Variants in LYPLAL1 observed in about 807,000 individuals in gnomAD.
The protein encoded by LYPLAL1 is lysophospholipase like 1, also known as lysophospholipase-like protein 1.
A neutral mutation model predicts 19.7 loss-of-function variants in LYPLAL1; 23 were observed. That is an observed-to-expected ratio of 1.17 (90% confidence interval 0.84 to 1.65). The LOEUF (loss-of-function observed/expected upper bound fraction) is 1.65, where lower values mean the gene tolerates loss of function less well. LYPLAL1 is among the 40% of genes most tolerant of loss of function. The pLI is 0.00. For missense variants in LYPLAL1, 355 were observed against 279.4 expected (o/e 1.27, Z -1.93); for synonymous variants, 119 against 96.3 (o/e 1.24, Z -1.38).
the LYPLAL1 span, among the ~76,000 whole-genome samples, chr1:219,432,040 A>G: frequency 5.1e-4 from 78 of 152,364 alleles, no homozygotes; most frequent in Non-Finnish European, 8.4e-4. Context: ...TTGTTAATAA[A>G]AGAGACAAAT....
chr1:219,395,375 G>A, the LYPLAL1 span, among the ~76,000 whole-genome samples: 3 of 152,184 alleles, frequency 2.0e-5, no homozygotes, highest in Non-Finnish European at 4.4e-5. Context: ...CTAATGATCA[G>A]TGATATTGTG....
chr1:219,435,222 A>G, the LYPLAL1 span: 3 of 152,238 alleles, frequency 2.0e-5, no homozygotes, highest in Non-Finnish European at 4.4e-5. Flanking sequence ...TGTCTTAGAC[A>G]GTAAAGAGAT....
the LYPLAL1 span, among the ~76,000 whole-genome samples, chr1:219,400,549 G>A: frequency 6.6e-6 from 1 of 150,452 alleles, no homozygotes; most frequent in East Asian, 2.0e-4. Context: ...AGGCTGGAAT[G>A]CAGTGGAACG....
chr1:219,187,215 A>G (rs550975884), intron 2 of LYPLAL1, among the ~76,000 whole-genome samples: 4 of 151,756 alleles, frequency 2.6e-5, no homozygotes, highest in African/African-American at 7.2e-5. Context: ...TATTGTATAT[A>G]CTCAGTTGTG....
At chr1:219,413,550 A>G in the LYPLAL1 span, among the ~76,000 whole-genome samples, 1 of 152,206 alleles carries the variant, frequency 6.6e-6, no homozygotes. Flanking sequence ...CTGAGGCCTG[A>G]GAGAAAAGTT....
chr1:219,279,868 A>G, the LYPLAL1 span, among the ~76,000 whole-genome samples: 1 of 152,230 alleles, frequency 6.6e-6, no homozygotes, highest in Non-Finnish European at 1.5e-5. Context: ...AATTTTCAAT[A>G]AAGGAAAAGA....
intron 2 of LYPLAL1, among the ~76,000 whole-genome samples, chr1:219,192,018 G>T (rs73096781): frequency 5.9e-5 from 9 of 151,448 alleles, no homozygotes; most frequent in African/African-American, 2.2e-4. Flanking sequence ...AGCCCCTTAA[G>T]TGGATGTCCA....
At chr1:219,215,598 TTCACTTGTC>T (rs1178367602), downstream of LYPLAL1, among the ~76,000 whole-genome samples, 5 of 152,212 alleles carry the variant, frequency 3.3e-5, no homozygotes, top group Admixed American at 6.5e-5. Context: ...CTCTGTGCAG[TTCACTTGTC>T]TCTCATACTC....
At chr1:219,269,827 G>A in the LYPLAL1 span, among the ~76,000 whole-genome samples, 23 of 152,024 alleles carry the variant, frequency 1.5e-4, no homozygotes, top group Admixed American at 9.8e-4. Context: ...CTGATATAGA[G>A]GCATCATTTT....
intron 2 of LYPLAL1, among the ~76,000 whole-genome samples, chr1:219,187,492 T>A (rs949903785): frequency 2.6e-5 from 4 of 151,708 alleles, no homozygotes; most frequent in Non-Finnish European, 1.5e-5. Flanking sequence ...TATTTACAAT[T>A]AGAGATTTTC....
the LYPLAL1 span, among the ~76,000 whole-genome samples, chr1:219,290,932 G>A: frequency 1.3e-5 from 2 of 152,102 alleles, no homozygotes; most frequent in African/African-American, 4.8e-5. Flanking sequence ...CACAGTTTAT[G>A]GTCATGGAAA....
At chr1:219,189,350 A>G (rs532442413) in intron 2 of LYPLAL1, among the ~76,000 whole-genome samples, 2 of 151,780 alleles carry the variant, frequency 1.3e-5, no homozygotes, top group Admixed American at 6.6e-5. Flanking sequence ...TGATATTTTG[A>G]TTTAGAACTT....
At chr1:219,317,890 G>A in the LYPLAL1 span, among the ~76,000 whole-genome samples, 1 of 152,164 alleles carries the variant, frequency 6.6e-6, no homozygotes, top group African/African-American at 2.4e-5. Flanking sequence ...CATAGCAACA[G>A]GTCTGTGGTC....
At chr1:219,259,791 AT>A in the LYPLAL1 span, among the ~76,000 whole-genome samples, 4 of 151,610 alleles carry the variant, frequency 2.6e-5, no homozygotes, top group East Asian at 1.9e-4. Context: ...AAATAAAAAA[AT>A]ATATAAATAA....
chr1:219,374,448 A>G, the LYPLAL1 span, among the ~76,000 whole-genome samples: 2 of 152,108 alleles, frequency 1.3e-5, no homozygotes, highest in Non-Finnish European at 2.9e-5. Flanking sequence ...GTGATATTTG[A>G]TCTTACTGTG....
chr1:219,374,574 G>C, the LYPLAL1 span, among the ~76,000 whole-genome samples: 1 of 151,836 alleles, frequency 6.6e-6, no homozygotes, highest in Non-Finnish European at 1.5e-5. Context: ...AAAATCACTA[G>C]ATACTGACTA....
the LYPLAL1 span, among the ~76,000 whole-genome samples, chr1:219,281,616 C>T: frequency 6.6e-6 from 1 of 152,092 alleles, no homozygotes; most frequent in East Asian, 1.9e-4. Flanking sequence ...CACACACACA[C>T]ACAGCAGGTG....
At chr1:219,278,489 CA>C in the LYPLAL1 span, among the ~76,000 whole-genome samples, 5 of 151,886 alleles carry the variant, frequency 3.3e-5, no homozygotes, top group Non-Finnish European at 5.9e-5. Context: ...AGAAAATATC[CA>C]AAAAGGATAT....
At chr1:219,444,897 T>A in the LYPLAL1 span, among the ~76,000 whole-genome samples, 8 of 152,294 alleles carry the variant, frequency 5.3e-5, no homozygotes, top group African/African-American at 1.7e-4. Context: ...TAAACTGGTT[T>A]TCAATGATGG....
Sources: allele counts gnomAD v4.1 joint callset (sites outside exome capture counted in the v4.1 genomes callset), GRCh38; gene constraint gnomAD v4.1.1; transcripts MANE v1.5; gene names NCBI Gene and HGNC (gene_info 2026-07-23, HGNC 2026-07-21).